The following ENTREP2 variants were observed in gnomAD, a reference collection of about 807,000 sequenced individuals.
The protein encoded by ENTREP2 is protein ENTREP2.
At chr15:29,128,530 A>G in the ENTREP2 span, among the ~76,000 whole-genome samples, 151,345 of 152,196 alleles carry the variant, frequency 0.99, 75,256 homozygotes, top group Middle Eastern at 1. Flanking sequence ...GGGCAGAGGA[A>G]GACAAGGTCT....
the ENTREP2 span, chr15:29,123,706 T>G: frequency 2.0e-6 from 3 of 1,498,858 alleles, no homozygotes; most frequent in Admixed American, 6.8e-5. Flanking sequence ...AATAAGAAGT[T>G]AACTCAAAAG....
the ENTREP2 span, among the ~76,000 whole-genome samples, chr15:29,590,699 A>AAG: frequency 1.0e-4 from 15 of 148,882 alleles, no homozygotes; most frequent in East Asian, 1.4e-3. Flanking sequence ...AAAAAAAAAA[A>AAG]AAAAAGAAAA....
the ENTREP2 span, among the ~76,000 whole-genome samples, chr15:29,472,915 T>C: frequency 6.6e-6 from 1 of 152,180 alleles, no homozygotes; most frequent in African/African-American, 2.4e-5. Context: ...GAATAAAAAA[T>C]AGATTGTAAC....
chr15:29,528,281 T>C, the ENTREP2 span, among the ~76,000 whole-genome samples: 2 of 151,786 alleles, frequency 1.3e-5, no homozygotes, highest in East Asian at 1.9e-4. Flanking sequence ...CATCAAGATT[T>C]GTAAAACCTC....
At chr15:29,394,041 C>CA in the ENTREP2 span, among the ~76,000 whole-genome samples, 1 of 151,820 alleles carries the variant, frequency 6.6e-6, no homozygotes, top group Admixed American at 6.6e-5. Flanking sequence ...TTCACAAAAG[C>CA]AAAAAAATTA....
At chr15:29,211,439 T>C in the ENTREP2 span, among the ~76,000 whole-genome samples, 4 of 152,210 alleles carry the variant, frequency 2.6e-5, no homozygotes, top group Admixed American at 2.6e-4. Context: ...CAGAATTCTT[T>C]AGGACAAATC....
At chr15:29,123,218 C>T in the ENTREP2 span, 55 of 1,047,508 alleles carry the variant, frequency 5.3e-5, no homozygotes, top group South Asian at 5.3e-4. Context: ...TCCTGGGTGT[C>T]CCCCCCACAT....
At chr15:29,350,021 G>A in the ENTREP2 span, among the ~76,000 whole-genome samples, 1 of 152,036 alleles carries the variant, frequency 6.6e-6, no homozygotes. Flanking sequence ...TCCATTTAAG[G>A]GCTTCCCACA....
the ENTREP2 span, among the ~76,000 whole-genome samples, chr15:29,659,421 A>C: frequency 6.6e-6 from 1 of 152,180 alleles, no homozygotes; most frequent in South Asian, 2.1e-4. Flanking sequence ...CAGTGAGCCG[A>C]GATCACGCCA....
the ENTREP2 span, among the ~76,000 whole-genome samples, chr15:29,459,424 A>C: frequency 6.6e-6 from 1 of 152,152 alleles, no homozygotes; most frequent in East Asian, 1.9e-4. Flanking sequence ...TCTAGGGAGC[A>C]ATGTAAGCAA....
chr15:29,552,702 T>C, the ENTREP2 span, among the ~76,000 whole-genome samples: 23 of 152,342 alleles, frequency 1.5e-4, no homozygotes, highest in South Asian at 2.1e-3. Flanking sequence ...ATTATTATTA[T>C]TGGAAAATGA....
chr15:29,262,603 A>G, the ENTREP2 span, among the ~76,000 whole-genome samples: 1 of 152,204 alleles, frequency 6.6e-6, no homozygotes, highest in Non-Finnish European at 1.5e-5. Context: ...GAAGCTCCAC[A>G]CACCTTCCCC....
At chr15:29,548,494 G>A in the ENTREP2 span, among the ~76,000 whole-genome samples, 1 of 148,826 alleles carries the variant, frequency 6.7e-6, no homozygotes, top group Non-Finnish European at 1.5e-5. Context: ...TTTATGTTAC[G>A]TGTATTTTAC....
At chr15:29,600,902 C>CCTTTTTTT in the ENTREP2 span, among the ~76,000 whole-genome samples, 3 of 123,618 alleles carry the variant, frequency 2.4e-5, no homozygotes, top group Admixed American at 8.6e-5. Context: ...ATTTTTCTTT[C>CCTTTTTTT]TTTTTTTTTT....
chr15:29,322,911 C>T, the ENTREP2 span, among the ~76,000 whole-genome samples: 1 of 152,134 alleles, frequency 6.6e-6, no homozygotes, highest in African/African-American at 2.4e-5. Flanking sequence ...GTTAAATAAA[C>T]CTCTAAATTG....
chr15:29,570,937 G>A, the ENTREP2 span, among the ~76,000 whole-genome samples: 5 of 144,696 alleles, frequency 3.5e-5, 1 homozygote, highest in African/African-American at 1.2e-4. Flanking sequence ...CCATGCCGCC[G>A]CCGCCGCGCC....
At chr15:29,326,166 C>G in the ENTREP2 span, among the ~76,000 whole-genome samples, 2 of 152,070 alleles carry the variant, frequency 1.3e-5, no homozygotes, top group Admixed American at 1.3e-4. Context: ...CAAAAAAGAA[C>G]AAGGCAAGGA....
the ENTREP2 span, among the ~76,000 whole-genome samples, chr15:29,222,663 A>T: frequency 6.6e-6 from 1 of 152,136 alleles, no homozygotes; most frequent in Non-Finnish European, 1.5e-5. Flanking sequence ...ATGTGCTGTG[A>T]GAAGTGCAGA....
At chr15:29,160,525 A>G in the ENTREP2 span, among the ~76,000 whole-genome samples, 2 of 152,036 alleles carry the variant, frequency 1.3e-5, no homozygotes, top group Non-Finnish European at 2.9e-5. Context: ...CCTGGCCAAC[A>G]TGATGAAACC....
Sources: allele counts gnomAD v4.1 joint callset (sites outside exome capture counted in the v4.1 genomes callset), GRCh38; gene constraint gnomAD v4.1.1; transcripts MANE v1.5; gene names NCBI Gene and HGNC (gene_info 2026-07-23, HGNC 2026-07-21).